The following RAB38 variants were observed in gnomAD, a reference collection of about 807,000 sequenced individuals.
RAB38 encodes RAB38, member RAS oncogene family.
Under a neutral mutation model 18.4 loss-of-function variants are expected in RAB38, and 15 were observed. That is an observed-to-expected ratio of 0.82 (90% CI 0.55 to 1.26). The LOEUF (loss-of-function observed/expected upper bound fraction) is 1.26, where lower values mean the gene tolerates loss of function less well. Ranked by LOEUF, RAB38 falls within the 50% of genes most tolerant of loss-of-function variation. RAB38 has a pLI of 0.00. For missense variants in RAB38, 294 were observed against 267.4 expected (o/e 1.10, Z -0.69); for synonymous variants, 101 against 104.4 (o/e 0.97, Z 0.20).
the RAB38 span, among the ~76,000 whole-genome samples, chr11:87,838,426 T>C: frequency 1.3e-5 from 2 of 152,196 alleles, 1 homozygote; most frequent in South Asian, 4.1e-4. Flanking sequence ...CTTACATTCA[T>C]TTTTATGCAA....
chr11:88,103,119 T>C, the RAB38 span, among the ~76,000 whole-genome samples: 1 of 152,140 alleles, frequency 6.6e-6, no homozygotes, highest in African/African-American at 2.4e-5. Flanking sequence ...ACTGAATGTC[T>C]AAGTATGTAG....
chr11:88,135,485 G>A (rs555561309), intron 2 of RAB38, among the ~76,000 whole-genome samples: 13 of 152,286 alleles, frequency 8.5e-5, no homozygotes, highest in Admixed American at 3.3e-4. Flanking sequence ...TAAACTGCTC[G>A]CCACATCTAA....
chr11:87,963,616 G>C, the RAB38 span, among the ~76,000 whole-genome samples: 88 of 151,480 alleles, frequency 5.8e-4, no homozygotes, highest in African/African-American at 2.1e-3. Flanking sequence ...CTAATACGTA[G>C]AGATAGCTAA....
chr11:87,939,239 T>C, the RAB38 span, among the ~76,000 whole-genome samples: 1 of 152,266 alleles, frequency 6.6e-6, no homozygotes. Context: ...TCTTCAATTA[T>C]GAGTGCTGTG....
At chr11:87,813,288 T>C in the RAB38 span, among the ~76,000 whole-genome samples, 10,857 of 152,230 alleles carry the variant, frequency 0.071, 466 homozygotes, top group African/African-American at 0.11. Flanking sequence ...TTTCATATTG[T>C]ACCCAGGCGT....
the RAB38 span, among the ~76,000 whole-genome samples, chr11:88,064,690 G>A: frequency 1.3e-5 from 2 of 152,150 alleles, no homozygotes; most frequent in Non-Finnish European, 2.9e-5. Flanking sequence ...AGCTTTCCAA[G>A]TAATAACACA....
chr11:87,842,362 A>AG, the RAB38 span, among the ~76,000 whole-genome samples: 1 of 152,222 alleles, frequency 6.6e-6, no homozygotes, highest in African/African-American at 2.4e-5. Context: ...TGAGTTTGGG[A>AG]GGGGGGTTTC....
intron 2 of RAB38, among the ~76,000 whole-genome samples, chr11:88,121,675 G>A (rs1189637154): frequency 6.6e-6 from 1 of 152,172 alleles, no homozygotes; most frequent in Non-Finnish European, 1.5e-5. Context: ...CCATTCTCCT[G>A]ACTCAGCCTC....
At chr11:88,121,088 T>C (rs1188796169) in intron 2 of RAB38, among the ~76,000 whole-genome samples, 1 of 152,212 alleles carries the variant, frequency 6.6e-6, no homozygotes. Flanking sequence ...TCCATGTTTC[T>C]GGAAATATCT....
At chr11:87,971,480 C>G in the RAB38 span, among the ~76,000 whole-genome samples, 1 of 152,128 alleles carries the variant, frequency 6.6e-6, no homozygotes. Context: ...TAATGTGCAG[C>G]TCAGAATGTA....
chr11:88,127,084 T>C (rs1942706951), intron 2 of RAB38, among the ~76,000 whole-genome samples: 1 of 152,250 alleles, frequency 6.6e-6, no homozygotes, highest in African/African-American at 2.4e-5. Flanking sequence ...TATGGCTAAA[T>C]GATTTTAGAT....
chr11:88,089,725 C>T, the RAB38 span, among the ~76,000 whole-genome samples: 1 of 151,926 alleles, frequency 6.6e-6, no homozygotes, highest in African/African-American at 2.4e-5. Flanking sequence ...TGAAAACTGG[C>T]CATATTTTTC....
the RAB38 span, among the ~76,000 whole-genome samples, chr11:88,069,336 G>A: frequency 4.6e-5 from 7 of 152,220 alleles, no homozygotes; most frequent in Admixed American, 1.3e-4. Context: ...GGGCCCCCCA[G>A]GGTGGGCTCC....
At chr11:88,084,751 G>A in the RAB38 span, among the ~76,000 whole-genome samples, 1 of 151,216 alleles carries the variant, frequency 6.6e-6, no homozygotes, top group Non-Finnish European at 1.5e-5. Context: ...CAGTTATTTT[G>A]GGTTTGTCTT....
At chr11:87,966,810 T>C in the RAB38 span, among the ~76,000 whole-genome samples, 14,049 of 152,300 alleles carry the variant, frequency 0.092, 887 homozygotes, top group South Asian at 0.18. Flanking sequence ...GGTCTGGGAA[T>C]TGGATCATTT....
At chr11:87,877,125 C>A in the RAB38 span, among the ~76,000 whole-genome samples, 87 of 151,584 alleles carry the variant, frequency 5.7e-4, no homozygotes, top group African/African-American at 2.1e-3. Context: ...AAAACAATAT[C>A]ATGCATGGAA....
At chr11:88,028,513 C>G in the RAB38 span, among the ~76,000 whole-genome samples, 10 of 152,066 alleles carry the variant, frequency 6.6e-5, no homozygotes, top group Non-Finnish European at 1.3e-4. Context: ...ACTAGCATAA[C>G]CAATACAGAG....
the RAB38 span, among the ~76,000 whole-genome samples, chr11:87,865,006 T>C: frequency 1.3e-5 from 2 of 151,756 alleles, no homozygotes; most frequent in East Asian, 3.9e-4. Context: ...CGCTTTGCGA[T>C]TTGTTTGACA....
intron 2 of RAB38, among the ~76,000 whole-genome samples, chr11:88,124,205 T>C (rs1942664214): frequency 6.6e-6 from 1 of 152,230 alleles, no homozygotes; most frequent in African/African-American, 2.4e-5. Context: ...ATTCAGGACG[T>C]AGGCATGGGC....
Sources: gnomAD v4.1 joint callset for allele counts (sites outside exome capture counted in the v4.1 genomes callset) on GRCh38, gnomAD v4.1.1 for gene constraint, MANE v1.5 for transcripts, NCBI Gene and HGNC (gene_info 2026-07-23, HGNC 2026-07-21) for gene names.